ZCCHC7: variants seen among roughly 807,000 people sequenced by gnomAD.
ZCCHC7 encodes zinc finger CCHC-type containing 7, also known as zinc finger CCHC domain-containing protein 7.
In ZCCHC7, 35 loss-of-function variants were observed where a neutral mutation model predicts 52.0. The ratio of observed to expected loss-of-function variants is 0.67; its 90% confidence interval spans 0.51 to 0.89. The LOEUF is 0.89. ZCCHC7 is among the 40% of genes least tolerant of loss of function. The probability of loss-of-function intolerance (pLI) is 0.00; values close to 1 mark genes in which losing one functional copy is unlikely to be tolerated. For synonymous variants in ZCCHC7, 217 were observed against 221.5 expected (o/e 0.98, Z 0.18); for missense variants, 574 against 649.1 (o/e 0.88, Z 1.26).
At chr9:37,260,076 G>T (rs1471996691) in intron 2 of ZCCHC7, among the ~76,000 whole-genome samples, 3 of 152,212 alleles carry the variant, frequency 2.0e-5, no homozygotes, top group Non-Finnish European at 4.4e-5. Context: ...TTGGTGCCAT[G>T]ACTTGGATAC....
chr9:37,337,401 A>ACCCCCCCC (rs59648311), intron 6 of ZCCHC7, among the ~76,000 whole-genome samples: 2 of 23,106 alleles, frequency 8.7e-5, no homozygotes, highest in East Asian at 1.8e-3. Context: ...CTACCCACCC[A>ACCCCCCCC]CCCCCCCCCC....
At chr9:37,251,917 T>C (rs1274280727) in intron 2 of ZCCHC7, among the ~76,000 whole-genome samples, 1 of 152,188 alleles carries the variant, frequency 6.6e-6, no homozygotes, top group Admixed American at 6.5e-5. Context: ...TAAGCAGTAT[T>C]AGCTTACATT....
intron 2 of ZCCHC7, among the ~76,000 whole-genome samples, chr9:37,173,649 C>T (rs1334068262): frequency 6.6e-6 from 1 of 152,152 alleles, no homozygotes; most frequent in Non-Finnish European, 1.5e-5. Flanking sequence ...TATTTACCTT[C>T]TAATCAGATT....
At chr9:37,176,982 G>A (rs1822070104) in intron 2 of ZCCHC7, among the ~76,000 whole-genome samples, 1 of 152,132 alleles carries the variant, frequency 6.6e-6, no homozygotes, top group Non-Finnish European at 1.5e-5. Context: ...CCTACCCCTG[G>A]AAATATGAGT....
At chr9:37,324,280 G>A (rs1697397961) in intron 5 of ZCCHC7, among the ~76,000 whole-genome samples, 1 of 152,164 alleles carries the variant, frequency 6.6e-6, no homozygotes, top group Admixed American at 6.5e-5. Context: ...AAGGATTTTT[G>A]TGAGATGAGT....
intron 4 of ZCCHC7, 91 bp downstream of exon 4, chr9:37,304,404 A>G (rs1829200440): frequency 2.0e-6 from 3 of 1,479,018 alleles, no homozygotes; most frequent in Middle Eastern, 1.8e-4. Context: ...CTGTAATCCC[A>G]GCACTTTGGG....
intron 2 of ZCCHC7, among the ~76,000 whole-genome samples, chr9:37,200,622 A>T (rs1369896684): frequency 6.6e-6 from 1 of 152,244 alleles, no homozygotes; most frequent in Non-Finnish European, 1.5e-5. Context: ...TGCCTCCTAG[A>T]AGCCTTGGTG....
intron 5 of ZCCHC7, among the ~76,000 whole-genome samples, chr9:37,323,969 C>T (rs1027654655): frequency 6.6e-6 from 1 of 152,074 alleles, no homozygotes; most frequent in Admixed American, 6.5e-5. Flanking sequence ...GGCACCTAAA[C>T]TTATATTTGT....
chr9:37,302,426 C>T (rs1829077123), intron 3 of ZCCHC7, among the ~76,000 whole-genome samples, 195 bp downstream of exon 3: 2 of 152,174 alleles, frequency 1.3e-5, no homozygotes, highest in South Asian at 4.1e-4. Context: ...TGTAATCATC[C>T]AGTCCCCTTT....
At chr9:37,224,930 A>G (rs1825017866) in intron 2 of ZCCHC7, among the ~76,000 whole-genome samples, 1 of 152,200 alleles carries the variant, frequency 6.6e-6, no homozygotes. Flanking sequence ...ACACCTATAC[A>G]TTTCTCTCTT....
intron 2 of ZCCHC7, among the ~76,000 whole-genome samples, chr9:37,179,894 T>C (rs1241879108): frequency 1.3e-5 from 2 of 152,206 alleles, no homozygotes; most frequent in African/African-American, 4.8e-5. Flanking sequence ...TCATAGTTGG[T>C]ATTTATTTGA....
chr9:37,175,929 TGTG>T (rs1410102273), intron 2 of ZCCHC7, among the ~76,000 whole-genome samples: 5 of 152,216 alleles, frequency 3.3e-5, no homozygotes, highest in Admixed American at 6.5e-5. Context: ...TAAATACTGT[TGTG>T]GTAAAGGCTG....
intron 2 of ZCCHC7, among the ~76,000 whole-genome samples, chr9:37,220,871 G>GT (rs921570109): frequency 1.7e-4 from 26 of 152,280 alleles, no homozygotes; most frequent in Middle Eastern, 3.4e-3. Context: ...AAGCTCAAAA[G>GT]TAAGGAATTC....
intron 2 of ZCCHC7, among the ~76,000 whole-genome samples, chr9:37,211,024 A>C (rs151278386): frequency 6.6e-6 from 1 of 152,310 alleles, no homozygotes; most frequent in Non-Finnish European, 1.5e-5. Context: ...TCTGCCAGGA[A>C]TGCTAATGTC....
intron 2 of ZCCHC7, among the ~76,000 whole-genome samples, chr9:37,250,961 T>G (rs1339295945): frequency 6.6e-6 from 1 of 152,234 alleles, no homozygotes; most frequent in East Asian, 1.9e-4. Flanking sequence ...AGCCTCCATC[T>G]ACTTGGAAGT....
At chr9:37,310,899 G>A (rs946555506) in intron 5 of ZCCHC7, among the ~76,000 whole-genome samples, 5 of 148,836 alleles carry the variant, frequency 3.4e-5, no homozygotes, top group African/African-American at 2.5e-5. Context: ...CAAGGCTGCA[G>A]TGAGCTGTGA....
intron 2 of ZCCHC7, among the ~76,000 whole-genome samples, chr9:37,250,303 T>C (rs1010588250): frequency 8.7e-5 from 13 of 149,746 alleles, no homozygotes; most frequent in African/African-American, 2.9e-4. Flanking sequence ...TCTCTCTCTT[T>C]TTTTTTTTTT....
chr9:37,224,690 A>T (rs1385385290), intron 2 of ZCCHC7, among the ~76,000 whole-genome samples: 2 of 152,218 alleles, frequency 1.3e-5, no homozygotes, highest in Admixed American at 6.5e-5. Flanking sequence ...ATTTTGAAGT[A>T]CAAGGAGGCC....
At chr9:37,327,073 T>C (rs1301403535) in intron 5 of ZCCHC7, 4 of 152,114 alleles carry the variant, frequency 2.6e-5, no homozygotes, top group African/African-American at 9.6e-5. Flanking sequence ...TAAGAAAATA[T>C]ATTCTAATCA....
Sources: allele counts gnomAD v4.1 joint callset (sites outside exome capture counted in the v4.1 genomes callset), GRCh38; gene constraint gnomAD v4.1.1; transcripts MANE v1.5; gene names NCBI Gene and HGNC (gene_info 2026-07-23, HGNC 2026-07-21).